The following TTC7A variants were observed in gnomAD, a reference collection of about 807,000 sequenced individuals.
TTC7A encodes tetratricopeptide repeat domain 7A.
TTC7A carries 110 observed loss-of-function variants against 103.7 expected under a neutral mutation model. The ratio of observed to expected loss-of-function variants is 1.06; its 90% CI spans 0.91 to 1.24. The LOEUF (loss-of-function observed/expected upper bound fraction) is 1.24. Among genes scored for constraint, TTC7A ranks in the 50% most tolerant of loss-of-function variants. The pLI is 0.00. For missense variants in TTC7A, 1,340 were observed against 1,116.3 expected (o/e 1.20, Z -2.86); for synonymous variants, 521 against 467.9 (o/e 1.11, Z -1.47).
chr2:47,036,695 A>T, intron 15 of TTC7A, among the ~76,000 whole-genome samples: 1 of 152,314 alleles, frequency 6.6e-6, no homozygotes, highest in South Asian at 2.1e-4. Context: ...CGTCTGTACA[A>T]AAAATTTTAA....
rs763725257 is a variant in TTC7A at position 47,073,773 on chromosome 2, G to A, written c.2427G>A (p.Gln809=). ...TGCTTCGTGATGCCGTGGAGAGGCAGAGTACGTGCCACGAGGCGTGGCAGG... is the reference window on the plus strand; with the variant it reads ...TGCTTCGTGATGCCGTGGAGAGGCAAAGTACGTGCCACGAGGCGTGGCAGG... ...QKVLRDAVER[Q]STCHEAWQGL... The change falls in exon 20 of 20, where the codon CAG becomes CAA. Residue 809 remains glutamine (Q), a synonymous_variant. Coordinates refer to ENST00000319190, the MANE Select transcript of TTC7A (RefSeq NM_020458.4). The A allele has an allele frequency of 6.2e-7, 1 of 1,613,874 alleles. No homozygotes were observed. Among genetic ancestry groups the A allele is most frequent in the South Asian group, 1.1e-5 (1 of 91,084 alleles).
In TTC7A at chr2:46,941,755, C is replaced by A; in HGVS notation, c.184+30C>A. 6.5e-7 allele frequency: 1 copy of A among 1,547,004 alleles called. No individual in the cohort carries two copies. The highest frequency in any genetic ancestry group is 8.7e-7 in the Non-Finnish European group (1 of 1,145,610). On this transcript the variant is annotated intron_variant, in intron 1 of 19. Transcript: ENST00000319190. The surrounding 1 kb of genome is among the most constrained non-coding windows in gnomAD (Gnocchi z 4.2). ...GTAAGGGAAGAGGCTGGCTCGCCGG[C>A]AGCGAGCGCGCGAAACGCACCGCCT...
At chr2:46,992,684 A>G (rs1675753349) in intron 5 of TTC7A, among the ~76,000 whole-genome samples, 1 of 152,268 alleles carries the variant, frequency 6.6e-6, no homozygotes, top group African/African-American at 2.4e-5. Context: ...GCGCAGTGGG[A>G]GCAGTTTTTC....
At chr2:46,918,893 T>C (rs1057032059) in intron 2 of TTC7A, among the ~76,000 whole-genome samples, 3 of 152,194 alleles carry the variant, frequency 2.0e-5, no homozygotes, top group Non-Finnish European at 4.4e-5. Flanking sequence ...AGAGGATCTC[T>C]TTACCTGCAA....
Position 47,023,680 on chromosome 2 carries a change from A to G in TTC7A, c.1568+215A>G, listed in dbSNP as rs12988535. Among the ~76,000 whole-genome samples, 55,925 of 152,018 alleles carry G rather than the reference A, an allele frequency of 0.37. 10,797 individuals are homozygous for G. The highest frequency in any genetic ancestry group is 0.52 in the South Asian group (2,494 of 4,814). On this transcript the variant is annotated intron_variant, in intron 13 of 19. Transcript: ENST00000319190. ...GCTCTGGGGGGCTCCAGCAGCCACA[A>G]GTCTCGGTTCCTGCTCTCCCAGGGC...
intron 17 of TTC7A, 186 bp downstream of exon 17, chr2:47,050,232 CACAGTGG>C (rs1682743474): frequency 1.7e-6 from 1 of 598,082 alleles, no homozygotes; most frequent in Admixed American, 2.8e-5. Context: ...CTGCTGGTCC[CACAGTGG>C]GCAGTGGGCA....
chr2:46,967,276 C>G (rs541133345), intron 3 of TTC7A, among the ~76,000 whole-genome samples: 54 of 152,282 alleles, frequency 3.5e-4, no homozygotes, highest in African/African-American at 1.3e-3. Flanking sequence ...TTTAAGCGTA[C>G]AGTTCGGTAC....
At position 46,978,807 on chromosome 2, in the gene TTC7A, A is replaced by AAGGCAACC; in HGVS notation, c.664_665insAGGCAACC (p.Thr222LysfsTer8). 6.2e-7 allele frequency: 1 copy of AAGGCAACC among 1,613,856 alleles called. No individual in the cohort carries two copies. The highest frequency in any genetic ancestry group is 8.5e-7 in the Non-Finnish European group (1 of 1,179,884). ...CCCTTCCCAGACCACAAATAACAGC[A>AAGGCAACC]CGTCGAGGCATCTGAAAGGCTGTCA... On this transcript the variant is annotated frameshift_variant, in exon 5 of 20. Coordinates refer to ENST00000319190, the MANE Select transcript of TTC7A (RefSeq NM_020458.4). LOFTEE classifies it high-confidence loss of function.
chr2:46,952,384 A>G (rs1195948494), intron 2 of TTC7A, among the ~76,000 whole-genome samples: 1 of 152,182 alleles, frequency 6.6e-6, no homozygotes, highest in African/African-American at 2.4e-5. Context: ...TAAATATTTA[A>G]AAATTGTTTT....
chr2:46,932,680 C>T (rs1669769229), intron 2 of TTC7A, among the ~76,000 whole-genome samples: 1 of 151,982 alleles, frequency 6.6e-6, no homozygotes, highest in Non-Finnish European at 1.5e-5. Flanking sequence ...ATGGGTGGAT[C>T]ACCTGAGTTT....
intron 2 of TTC7A, among the ~76,000 whole-genome samples, chr2:46,919,215 A>G (rs1000283304): frequency 6.6e-6 from 1 of 152,258 alleles, no homozygotes; most frequent in African/African-American, 2.4e-5. Context: ...AAATAAATAG[A>G]AAAATATTGA....
At chr2:47,042,816 A>G (rs1393048274) in intron 15 of TTC7A, among the ~76,000 whole-genome samples, 1 of 152,194 alleles carries the variant, frequency 6.6e-6, no homozygotes, top group Non-Finnish European at 1.5e-5. Flanking sequence ...CGTGGGATTG[A>G]AATAGTTTTT....
At chr2:46,999,465 T>C in intron 8 of TTC7A, 2 of 985,182 alleles carry the variant, frequency 2.0e-6, no homozygotes, top group African/African-American at 3.5e-5. Context: ...ACCCACCATG[T>C]ATCCATCTAA....
At chr2:46,985,969 T>G (rs1674968978) in intron 5 of TTC7A, among the ~76,000 whole-genome samples, 1 of 152,222 alleles carries the variant, frequency 6.6e-6, no homozygotes. Flanking sequence ...CGTCTCTGGC[T>G]TCCACCCACT....
At chr2:46,988,274 GC>G (rs1485789724) in intron 5 of TTC7A, among the ~76,000 whole-genome samples, 1 of 152,208 alleles carries the variant, frequency 6.6e-6, no homozygotes, top group Non-Finnish European at 1.5e-5. Context: ...AAATGTCACA[GC>G]CCTATTCTGA....
intron 18 of TTC7A, among the ~76,000 whole-genome samples, chr2:47,056,920 C>A (rs1473787007): frequency 6.6e-6 from 1 of 152,180 alleles, no homozygotes; most frequent in Non-Finnish European, 1.5e-5. Flanking sequence ...TCCCCCCCAT[C>A]CAGCCCCGTG....
intron 14 of TTC7A, among the ~76,000 whole-genome samples, chr2:47,025,833 C>T (rs981161648): frequency 6.6e-6 from 1 of 152,212 alleles, no homozygotes; most frequent in African/African-American, 2.4e-5. Flanking sequence ...TCACTCCTGA[C>T]CCCAGGTCCT....
At position 47,013,245 on chromosome 2, in the gene TTC7A, C is replaced by G. The variant is rs530075918; in HGVS notation, c.1392+1810C>G. On this transcript the variant is annotated intron_variant, in intron 11 of 19. Transcript: ENST00000319190. ...CCTTGCATCACAGCTTGCTTTCCCC[C>G]ACCTCATGAGTATCAGGGAACCCTT... 3.3e-5 allele frequency among the ~76,000 whole-genome samples: 5 copies of G among 152,326 alleles called. No homozygotes were observed. In the East Asian group the frequency reaches 7.7e-4, roughly 24 times the overall value.
rs928903136 is a variant in TTC7A, at chr2:47,007,800, C to G, written c.1287+1076C>G. 3.3e-5 allele frequency among the ~76,000 whole-genome samples: 5 copies of G among 152,208 alleles called. No homozygotes were observed. The highest frequency in any genetic ancestry group is 7.4e-5 in the Non-Finnish European group (5 of 68,022). On this transcript the variant is annotated intron_variant, in intron 10 of 19. Transcript: ENST00000319190. This position sits in a 1 kb window ranked among gnomAD's most constrained non-coding sequence, Gnocchi z 4.9. ...TCTTTCCAAACCTCTCTCCTCTCCC[C>G]CATCACATCGGACACCTCACAGAGC...
Sources: allele counts gnomAD v4.1 joint callset (sites outside exome capture counted in the v4.1 genomes callset), GRCh38; gene constraint gnomAD v4.1.1; non-coding constraint Gnocchi (gnomAD v3.1); transcripts MANE v1.5; gene names NCBI Gene and HGNC (gene_info 2026-07-23, HGNC 2026-07-21).